The following TTN variants were observed in gnomAD, a reference collection of about 807,000 sequenced individuals.
The protein encoded by TTN is connectin.
TTN carries 1,525 observed loss-of-function variants against 3,223.0 expected under a neutral mutation model. That is an observed-to-expected ratio of 0.47 (90% CI 0.45 to 0.49). The LOEUF is 0.49. TTN is among the 20% of genes least tolerant of loss of function. The pLI, the probability that TTN is intolerant of heterozygous loss-of-function variation, is 0.00. For missense variants in TTN, 40,786 were observed against 43,424.0 expected, an observed-to-expected ratio of 0.94 and a Z score of 5.40; for synonymous variants, 14,094 against 15,161.0, an observed-to-expected ratio of 0.93 and a Z score of 5.17.
In TTN at chr2:178,613,231, C is replaced by T. The variant is rs2056674695; in HGVS notation, c.49578G>A (p.Leu16526=). The change falls in exon 264 of 363, where the codon TTG becomes TTA. Residue 16526 remains leucine (L), a synonymous_variant. Coordinates refer to ENST00000589042, the MANE Select transcript of TTN (RefSeq NM_001267550.2). The part of the protein sequence containing the change: ...TNKKKYRFRV[L]AENLAGPGKP... Reference sequence around the variant, plus strand: ...TTCCAGGTCCAGCAAGATTTTCAGCCAACACACGGAATCTGTATTTTTTCT... The same window carrying T: ...TTCCAGGTCCAGCAAGATTTTCAGCTAACACACGGAATCTGTATTTTTTCT... 3.1e-6 allele frequency: 5 copies of T among 1,611,462 alleles called. No individual in the cohort carries two copies. The highest frequency in any genetic ancestry group is 3.4e-6 in the Non-Finnish European group (4 of 1,178,822).
chr2:178,607,292 G>C lies in TTN; in HGVS notation c.53310C>G (p.Asp17770Glu). The C allele has an allele frequency of 6.2e-7, 1 of 1,612,644 alleles. No individual in the cohort carries two copies. The highest frequency in any genetic ancestry group is 8.5e-7 in the Non-Finnish European group (1 of 1,179,248). The change falls in exon 278 of 363, where the codon GAC becomes GAG. Residue 17770 changes from aspartate (D) to glutamate (E), a missense_variant. Physicochemically the swap from Asp to Glu is conservative, Grantham distance 45. Coordinates refer to ENST00000589042, the MANE Select transcript of TTN (RefSeq NM_001267550.2). ...EVFDVPGPVL[D>E]LKPVVTNRKM... is the part of the protein sequence containing the mutation. ...TTCTGTTTGTTACAACAGGTTTTAA[G>C]TCAAGAACTGGACCAGGGACATCTG...
At position 178,530,828 on chromosome 2, in the gene TTN, C is replaced by A. The variant is rs67254537; in HGVS notation, c.105787G>T (p.Ala35263Ser). 21,768 of 1,613,764 alleles carry A rather than the reference C, an allele frequency of 0.013. 188 individuals are homozygous for A. Among genetic ancestry groups the A allele is most frequent in the Non-Finnish European group, 0.016 (18,673 of 1,179,848 alleles). Residue 35263 changes from alanine to serine, a missense_variant, in exon 358 of 363, where the codon GCC becomes TCC. Transcript: ENST00000589042. ...VKSPEPSHPK[A>S]VSPTETKPTP... ...GGTTTTGTCTCTGTGGGTGATACGG[C>A]TTTCGGGTGAGAAGGTTCTGGAGAT...
intron 120 of TTN, 66 bp downstream of exon 120, chr2:178,692,431 C>T: frequency 7.2e-7 from 1 of 1,385,314 alleles, no homozygotes. Flanking sequence ...TGTTAATACA[C>T]AGATCTTATA....
chr2:178,644,390 T>A (rs1269568137), intron 218 of TTN, 158 bp downstream of exon 218: 1 of 534,702 alleles, frequency 1.9e-6, no homozygotes, highest in Non-Finnish European at 3.2e-6. Flanking sequence ...GCAACACTCA[T>A]GAGCCAGGAC....
chr2:178,628,396 A>C (rs145120812), intron 240 of TTN, among the ~76,000 whole-genome samples: 19 of 152,202 alleles, frequency 1.2e-4, no homozygotes, highest in African/African-American at 4.6e-4. Context: ...AATATGTCAC[A>C]GAACAATGTA....
intron 223 of TTN, among the ~76,000 whole-genome samples, chr2:178,637,719 C>T (rs972077532): frequency 7.2e-5 from 11 of 152,130 alleles, no homozygotes; most frequent in African/African-American, 2.6e-4. Context: ...TTGCTCCTGC[C>T]TAGCTGTGCA....
intron 31 of TTN, 26 bp downstream of exon 31, chr2:178,773,812 C>T: frequency 4.3e-6 from 7 of 1,613,960 alleles, no homozygotes; most frequent in Non-Finnish European, 5.9e-6. Context: ...ATAGTGTAAA[C>T]ATAAAATTTT....
In TTN at chr2:178,709,591, C is replaced by T. The variant is rs758785955; in HGVS notation, c.28728G>A (p.Leu9576=). The change falls in exon 99 of 363, where the codon CTG becomes CTA. Residue 9576 remains leucine (L), a synonymous_variant. Coordinates refer to ENST00000589042, the MANE Select transcript of TTN (RefSeq NM_001267550.2). ...CTTTGATGACGATTGAAGACGTGCA[C>T]AGAGCAGAGCCTGCATCATTGGACA... ...CKVSNDAGSA[L]CTSSIVIKEP... 1 of 1,612,526 alleles carries T rather than the reference C, an allele frequency of 6.2e-7. No homozygotes were observed. Among genetic ancestry groups the T allele is most frequent in the South Asian group, 1.1e-5 (1 of 91,030 alleles).
Position 178,625,351 on chromosome 2 carries a change from C to G in TTN, c.44470G>C (p.Asp14824His). ...TCCCCAGCATCTTCTAACTTTACAT[C>G]CCTCAGAGTAAGTGTATGAACTTTT... is the stretch of plus-strand genomic sequence containing the variant. ...EGKVHTLTLR[D>H]VKLEDAGEVQ... Residue 14824 changes from aspartate (D) to histidine (H), a missense_variant, in exon 241 of 363, where the codon GAT becomes CAT. Transcript: ENST00000589042. The G allele has an allele frequency of 6.2e-7, 1 of 1,600,908 alleles. No individual in the cohort carries two copies. The highest frequency in any genetic ancestry group is 1.1e-5 in the South Asian group (1 of 88,756).
At position 178,685,322 on chromosome 2, in the gene TTN, T is replaced by C; in HGVS notation, c.32401A>G (p.Arg10801Gly). 1 of 1,550,886 alleles carries C rather than the reference T, an allele frequency of 6.4e-7. No individual in the cohort carries two copies. Among genetic ancestry groups the C allele is most frequent in the Non-Finnish European group, 8.7e-7 (1 of 1,146,746 alleles). ...TTCAGTACAATTTTCTTCTCCTGCC[T>C]CTCTGTCACTTGAAAAGATTATAAA... is the stretch of plus-strand genomic sequence containing the variant. ...VEAEPAEVTE[R>G]QEKKIVLKPK... is the part of the protein sequence containing the mutation. Residue 10801 changes from arginine to glycine, a missense_variant, in exon 129 of 363, where the codon AGG becomes GGG. Arg to Gly is a moderately radical substitution (Grantham distance 125, BLOSUM62 -2). Transcript: ENST00000589042.
At position 178,609,830 on chromosome 2, in the gene TTN, T is replaced by G; in HGVS notation, c.51593A>C (p.Asn17198Thr). Reference protein sequence around the residue: ...AKGEERWKRCNEHLVPILTYT... With the variant: ...AKGEERWKRCTEHLVPILTYT... Reference sequence around the variant, plus strand: ...GGTCAGGATTGGTACCAGGTGTTCATTGCATCTCTTCCACCTTTCTTCACC... The same window carrying G: ...GGTCAGGATTGGTACCAGGTGTTCAGTGCATCTCTTCCACCTTTCTTCACC... Residue 17198 changes from asparagine to threonine, a missense_variant, in exon 272 of 363, where the codon AAT becomes ACT. Physicochemically the swap from Asn to Thr is moderately conservative, Grantham distance 65. Transcript: ENST00000589042. The G allele has an allele frequency of 6.2e-7, 1 of 1,612,954 alleles. No individual in the cohort carries two copies. Among genetic ancestry groups the G allele is most frequent in the Non-Finnish European group, 8.5e-7 (1 of 1,179,254 alleles).
rs990303500 is a variant in TTN, at chr2:178,683,897, A to G, written c.32806+102T>C. The G allele has an allele frequency of 1.1e-5, 9 of 831,022 alleles. No homozygotes were observed. In the East Asian group the frequency reaches 2.5e-4, roughly 23 times the overall value. The allele number at this position is 831,022 out of a possible 1,614,324, so 51.5% of individuals were successfully genotyped here. ...TTAACAAACTTATATTGCTTACTTTATACTATGTCTTTTTTTTTCTAATGG... is the reference window on the plus strand; with the variant it reads ...TTAACAAACTTATATTGCTTACTTTGTACTATGTCTTTTTTTTTCTAATGG... On this transcript the variant is annotated intron_variant, in intron 133 of 362. Coordinates refer to ENST00000589042, the MANE Select transcript of TTN (RefSeq NM_001267550.2).
At chr2:178,672,303 A>C in intron 154 of TTN, 36 bp from the exon 155 acceptor site, 4 of 1,604,292 alleles carry the variant, frequency 2.5e-6, no homozygotes, top group Non-Finnish European at 3.4e-6. Flanking sequence ...TATTTTTTTA[A>C]ACACTGAAGA....
chr2:178,668,466 C>T (rs1437884971), intron 159 of TTN, among the ~76,000 whole-genome samples: 4 of 152,058 alleles, frequency 2.6e-5, no homozygotes, highest in Non-Finnish European at 5.9e-5. Context: ...TGTAGTGGCT[C>T]ATGCCTGTAA....
chr2:178,545,343 T>C (rs1696570134), intron 344 of TTN, 45 bp downstream of exon 344: 3 of 1,485,704 alleles, frequency 2.0e-6, no homozygotes, highest in African/African-American at 2.8e-5. Context: ...ATCTGTCATA[T>C]AGTTTTGAGG....
In TTN at chr2:178,530,317, G is replaced by A; in HGVS notation, c.106298C>T (p.Ser35433Leu). 1 of 1,613,906 alleles carries A rather than the reference G, an allele frequency of 6.2e-7. No homozygotes were observed. The highest frequency in any genetic ancestry group is 1.1e-5 in the South Asian group (1 of 91,074). The change falls in exon 358 of 363, where the codon TCA becomes TTA. Residue 35433 changes from serine to leucine, a missense_variant. Ser to Leu is a moderately radical substitution (Grantham distance 145). Coordinates refer to ENST00000589042, the MANE Select transcript of TTN (RefSeq NM_001267550.2). ...AACTGCAAATTTAGCAACACTGTCTGAAGAAACAGTTGTATCCTGCAACCC... is the reference window on the plus strand; with the variant it reads ...AACTGCAAATTTAGCAACACTGTCTAAAGAAACAGTTGTATCCTGCAACCC... The part of the protein sequence containing the change: ...VTGLQDTTVS[S>L]DSVAKFAVKA...
rs1168512437 is a variant in TTN, at chr2:178,570,701, T to A, written c.75431A>T (p.Gln25144Leu). Residue 25144 changes from glutamine to leucine, a missense_variant, in exon 326 of 363, where the codon CAG (glutamine) becomes CTG (leucine). Transcript: ENST00000589042. ...AAGCTCCTGATCACCTTTTATCCAC[T>A]GAATGGTTGGTATTGGTTTGCCATA... ...DIYGKPIPTI[Q>L]WIKGDQELSN... 6.2e-7 allele frequency: 1 copy of A among 1,613,606 alleles called. No individual in the cohort carries two copies. Among genetic ancestry groups the A allele is most frequent in the South Asian group, 1.1e-5 (1 of 91,080 alleles).
At position 178,740,497 on chromosome 2, in the gene TTN, T is replaced by C; in HGVS notation, c.12736A>G (p.Arg4246Gly). 6.2e-7 allele frequency: 1 copy of C among 1,613,770 alleles called. No individual in the cohort carries two copies. The highest frequency in any genetic ancestry group is 8.5e-7 in the Non-Finnish European group (1 of 1,179,798). The change falls in exon 48 of 363, where the codon AGA becomes GGA. Residue 4246 changes from arginine (R) to glycine (G), a missense_variant. Physicochemically the swap from Arg to Gly is moderately radical, Grantham distance 125 (BLOSUM62 -2). Transcript: ENST00000589042. ...PKEKTVSDTN[R>G]EQRVTLQKQE... Reference sequence around the variant, plus strand: ...TTTTGAAGAGTCACTCTTTGCTCTCTGTTGGTGTCAGATACTGTCTTTTCT... The same window carrying C: ...TTTTGAAGAGTCACTCTTTGCTCTCCGTTGGTGTCAGATACTGTCTTTTCT...
rs2050537987 is a variant in TTN, at chr2:178,592,903, TCAG to T, written c.59213_59215del (p.Pro19738_Glu19739delinsGln). On this transcript the variant is annotated inframe_deletion, in exon 300 of 363. Coordinates refer to ENST00000589042, the MANE Select transcript of TTN (RefSeq NM_001267550.2). Reference sequence around the variant, plus strand: ...AAGACCGGTGACTTTATATTTAGTTTCAGGACATGACTCAGGGGTGTGATTGGC... The same window carrying T: ...AAGACCGGTGACTTTATATTTAGTTTGACATGACTCAGGGGTGTGATTGGC... The T allele has an allele frequency of 6.2e-7, 1 of 1,613,518 alleles. No homozygotes were observed. Among genetic ancestry groups the T allele is most frequent in the Non-Finnish European group, 8.5e-7 (1 of 1,179,584 alleles).
Sources: allele counts gnomAD v4.1 joint callset (sites outside exome capture counted in the v4.1 genomes callset), GRCh38; gene constraint gnomAD v4.1.1; transcripts MANE v1.5; gene names NCBI Gene and HGNC (gene_info 2026-07-23, HGNC 2026-07-21).